Variants in DLGAP2 observed in about 807,000 individuals in gnomAD.
DLGAP2 encodes disks large-associated protein 2.
Under a neutral mutation model 100.3 loss-of-function variants are expected in DLGAP2, and 26 were observed. That is an observed-to-expected ratio of 0.26 (90% CI 0.19 to 0.36). DLGAP2 has a LOEUF of 0.36. DLGAP2 is among the 10% of genes least tolerant of loss of function. DLGAP2 has a pLI of 1.00. For missense variants in DLGAP2, 1,858 were observed against 1,453.2 expected, an observed-to-expected ratio of 1.28 and a Z score of -4.53; for synonymous variants, 886 against 630.1, an observed-to-expected ratio of 1.41 and a Z score of -6.08.
intron 1 of DLGAP2, among the ~76,000 whole-genome samples, chr8:903,358 T>C (rs989322318): frequency 4.6e-5 from 7 of 151,792 alleles, no homozygotes; most frequent in Non-Finnish European, 1.0e-4. Flanking sequence ...GCGGTAGAAA[T>C]AACTGCAGAG....
chr8:1,087,253 A>G (rs766596051), intron 2 of DLGAP2, among the ~76,000 whole-genome samples: 4 of 152,256 alleles, frequency 2.6e-5, no homozygotes, highest in Non-Finnish European at 4.4e-5. Context: ...GTTTAGCAAT[A>G]TCATAACATT....
At chr8:861,713 C>G (rs888689963) in intron 1 of DLGAP2, among the ~76,000 whole-genome samples, 1 of 152,180 alleles carries the variant, frequency 6.6e-6, no homozygotes, top group Non-Finnish European at 1.5e-5. Context: ...CGGTTGCAAA[C>G]CTGGCGAGGC....
intron 1 of DLGAP2, among the ~76,000 whole-genome samples, chr8:790,571 C>G (rs1225583635): frequency 6.6e-6 from 1 of 152,104 alleles, no homozygotes; most frequent in Non-Finnish European, 1.5e-5. Flanking sequence ...GTAGATGTTT[C>G]CTGGTCCCAG....
intron 5 of DLGAP2, among the ~76,000 whole-genome samples, chr8:1,562,302 G>A (rs1258860886): frequency 3.8e-5 from 1 of 26,100 alleles, no homozygotes. Flanking sequence ...CTGGGGGACT[G>A]TGTGGTGTTG....
At position 890,199 on chromosome 8, in the gene DLGAP2, G is replaced by A. The variant is rs150216666; in HGVS notation, c.19-17713G>A. 2.2e-3 allele frequency among the ~76,000 whole-genome samples: 342 copies of A among 152,236 alleles called. 1 individual carries two copies. The highest frequency in any genetic ancestry group is 7.5e-3 in the African/African-American group (311 of 41,548). ...GGCTCTGCTTCTAGTCAGCCATCTCGGCCAGAATAATCATCCTTGGGCGTT... is the reference window on the plus strand; with the variant it reads ...GGCTCTGCTTCTAGTCAGCCATCTCAGCCAGAATAATCATCCTTGGGCGTT... On this transcript the variant is annotated intron_variant, in intron 1 of 14. Coordinates refer to ENST00000637795, the MANE Select transcript of DLGAP2 (RefSeq NM_001346810.2).
At chr8:1,379,106 T>C (rs1796031093) in intron 3 of DLGAP2, among the ~76,000 whole-genome samples, 1 of 152,254 alleles carries the variant, frequency 6.6e-6, no homozygotes, top group Non-Finnish European at 1.5e-5. Context: ...GACCAGGAAA[T>C]GCACAGCTAG....
intron 3 of DLGAP2, among the ~76,000 whole-genome samples, chr8:1,314,299 C>T (rs1800678283): frequency 6.6e-6 from 1 of 152,176 alleles, no homozygotes; most frequent in African/African-American, 2.4e-5. Context: ...TAGAGGTTTT[C>T]TTTGCACCTG....
At chr8:1,516,671 CTGAG>C (rs1406094077) in intron 4 of DLGAP2, among the ~76,000 whole-genome samples, 7 of 139,770 alleles carry the variant, frequency 5.0e-5, no homozygotes, top group Non-Finnish European at 7.8e-5. Flanking sequence ...GAGTGGGTGA[CTGAG>C]TGAAAGAGTG....
chr8:1,638,751 G>A (rs1465633930), intron 8 of DLGAP2, among the ~76,000 whole-genome samples: 1 of 152,198 alleles, frequency 6.6e-6, no homozygotes, highest in Non-Finnish European at 1.5e-5. Context: ...CAGGCAGGGA[G>A]TCTCCAGGAC....
chr8:1,147,351 T>G (rs1252470718), intron 2 of DLGAP2, among the ~76,000 whole-genome samples: 2 of 152,232 alleles, frequency 1.3e-5, no homozygotes, highest in Non-Finnish European at 2.9e-5. Flanking sequence ...TTATTAACTT[T>G]GATTCTAGTG....
At chr8:927,773 T>C (rs556835546) in intron 2 of DLGAP2, among the ~76,000 whole-genome samples, 1 of 152,236 alleles carries the variant, frequency 6.6e-6, no homozygotes, top group East Asian at 1.9e-4. Context: ...TTACTGTTCT[T>C]GGTCGTTCCT....
At chr8:1,131,806 C>T (rs1421597324) in intron 2 of DLGAP2, among the ~76,000 whole-genome samples, 1 of 152,138 alleles carries the variant, frequency 6.6e-6, no homozygotes, top group East Asian at 1.9e-4. Flanking sequence ...CTTTTGAATT[C>T]TATGCTTTTT....
At chr8:871,168 T>C (rs1350796126) in intron 1 of DLGAP2, among the ~76,000 whole-genome samples, 1 of 152,236 alleles carries the variant, frequency 6.6e-6, no homozygotes, top group African/African-American at 2.4e-5. Flanking sequence ...TGCCGTGCCC[T>C]GCCCAGCCTG....
intron 3 of DLGAP2, among the ~76,000 whole-genome samples, chr8:1,361,104 G>T (rs1281433100): frequency 2.6e-5 from 4 of 152,198 alleles, no homozygotes; most frequent in Admixed American, 1.3e-4. Flanking sequence ...CACAGTGATG[G>T]TGCAGACGAG....
chr8:1,629,512 C>T (rs1585013031), intron 7 of DLGAP2, among the ~76,000 whole-genome samples: 1 of 152,266 alleles, frequency 6.6e-6, no homozygotes, highest in African/African-American at 2.4e-5. Context: ...CATTCTATTT[C>T]AGCATAAAGT....
chr8:946,843 G>A (rs1435113788), intron 2 of DLGAP2, among the ~76,000 whole-genome samples: 2 of 152,168 alleles, frequency 1.3e-5, no homozygotes, highest in African/African-American at 4.8e-5. Context: ...TAGCACAGCA[G>A]CTCCCCCGTC....
At chr8:1,641,028 G>C (rs1797886016) in intron 8 of DLGAP2, among the ~76,000 whole-genome samples, 1 of 152,158 alleles carries the variant, frequency 6.6e-6, no homozygotes, top group South Asian at 2.1e-4. Context: ...AGCTCTCCTG[G>C]CTGTGGGGAA....
intron 2 of DLGAP2, among the ~76,000 whole-genome samples, chr8:1,135,510 T>TTTC (rs1159471825): frequency 1.5e-5 from 2 of 132,586 alleles, no homozygotes; most frequent in East Asian, 4.1e-4. Flanking sequence ...TGGGTTTTTT[T>TTTC]TTTTTTTTTT....
intron 3 of DLGAP2, among the ~76,000 whole-genome samples, chr8:1,315,872 A>C (rs1222354098): frequency 7.8e-6 from 1 of 128,218 alleles, no homozygotes. Context: ...GCGTCTCTCC[A>C]ACGGTGGTCT....
Sources: allele counts gnomAD v4.1 joint callset (sites outside exome capture counted in the v4.1 genomes callset), GRCh38; gene constraint gnomAD v4.1.1; transcripts MANE v1.5; gene names NCBI Gene and HGNC (gene_info 2026-07-23, HGNC 2026-07-21).